Variants in TAF1B observed in about 807,000 individuals in gnomAD.
TAF1B encodes TATA-box binding protein associated factor, RNA polymerase I subunit B.
TAF1B carries 61 observed loss-of-function variants against 83.9 expected under a neutral mutation model. The observed-to-expected ratio is 0.73, with a 90% CI of 0.59 to 0.90. The LOEUF (loss-of-function observed/expected upper bound fraction) is 0.90. TAF1B is among the 40% of genes least tolerant of loss of function. The pLI, the probability that TAF1B is intolerant of heterozygous loss-of-function variation, is 0.00. For missense variants in TAF1B, 625 were observed against 677.0 expected (o/e 0.92, Z 0.85); for synonymous variants, 221 against 224.6 (o/e 0.98, Z 0.14).
At chr2:9,889,311 GT>G (rs1664791867) in intron 8 of TAF1B, among the ~76,000 whole-genome samples, 1 of 151,482 alleles carries the variant, frequency 6.6e-6, no homozygotes, top group African/African-American at 2.4e-5. Flanking sequence ...ACTATGTTTT[GT>G]TTTGATAATT....
At chr2:9,903,589 A>G (rs959106264) in intron 8 of TAF1B, among the ~76,000 whole-genome samples, 1 of 152,206 alleles carries the variant, frequency 6.6e-6, no homozygotes, top group African/African-American at 2.4e-5. Context: ...ATATTTTTAT[A>G]TGTGCGAGTT....
In TAF1B at chr2:9,904,914, T is replaced by C. The variant is rs1665296491; in HGVS notation, c.863T>C (p.Leu288Ser). 1 of 1,611,396 alleles carries C rather than the reference T, an allele frequency of 6.2e-7. No individual in the cohort carries two copies. The highest frequency in any genetic ancestry group is 8.5e-7 in the Non-Finnish European group (1 of 1,177,544). The stretch of plus-strand genomic sequence containing the variant: ...AAAACAGTAGAAGTTGGAACATTTT[T>C]AGATTTGCCTCGTTTTCCAGACATA... ...YKKTVEVGTF[L>S]DLPRFPDITE... The change falls in exon 9 of 15, where the codon TTA becomes TCA. Residue 288 changes from leucine (L) to serine (S), a missense_variant. By Grantham distance (145) the Leu-to-Ser change is moderately radical (BLOSUM62 -2). Transcript: ENST00000263663.
chr2:9,866,885 A>G (rs1326386743), intron 5 of TAF1B, among the ~76,000 whole-genome samples: 7 of 152,014 alleles, frequency 4.6e-5, no homozygotes, highest in South Asian at 2.1e-4. Flanking sequence ...GAATTGAACA[A>G]TGAGAACACA....
At chr2:9,850,191 G>T (rs1038237232) in intron 3 of TAF1B, among the ~76,000 whole-genome samples, 3 of 152,064 alleles carry the variant, frequency 2.0e-5, no homozygotes, top group South Asian at 4.2e-4. Flanking sequence ...AAATTTTATT[G>T]GAGTAAAACC....
chr2:9,867,872 C>T (rs916314846), intron 5 of TAF1B, among the ~76,000 whole-genome samples: 6 of 152,038 alleles, frequency 3.9e-5, no homozygotes, highest in Admixed American at 1.3e-4. Flanking sequence ...GAGGAAAAGG[C>T]GTAGTTCAGG....
intron 8 of TAF1B, among the ~76,000 whole-genome samples, chr2:9,894,553 T>A (rs185465707): frequency 6.6e-6 from 1 of 152,324 alleles, no homozygotes; most frequent in East Asian, 1.9e-4. Flanking sequence ...AGTGAATTAC[T>A]CAGGCTAGAA....
At chr2:9,848,170 T>C (rs16867193) in intron 2 of TAF1B, among the ~76,000 whole-genome samples, 16,114 of 152,246 alleles carry the variant, frequency 0.11, 1,297 homozygotes, top group East Asian at 0.27. Context: ...ATGTTTTCAG[T>C]GTGGCCAACC....
At chr2:9,920,936 C>T (rs766863012) in intron 14 of TAF1B, among the ~76,000 whole-genome samples, 1 of 152,176 alleles carries the variant, frequency 6.6e-6, no homozygotes, top group African/African-American at 2.4e-5. Context: ...TAGTAAGACA[C>T]AGGCTTTTGA....
In TAF1B at chr2:9,868,368, G is replaced by A. The variant is rs369972614; in HGVS notation, c.492G>A (p.Ala164=). 1.3e-5 allele frequency: 21 copies of A among 1,614,002 alleles called. No individual in the cohort carries two copies. The highest frequency in any genetic ancestry group is 2.2e-5 in the East Asian group (1 of 44,886). ...GTCCTCCTTTTCTTGAAAGTGGAGCGGAGTCTCAGTCTGACATCCACACTC... is the reference window on the plus strand; with the variant it reads ...GTCCTCCTTTTCTTGAAAGTGGAGCAGAGTCTCAGTCTGACATCCACACTC... The part of the protein sequence containing the change: ...VSCPPFLESG[A]ESQSDIHTRK... Residue 164 remains alanine (A), a synonymous_variant, in exon 6 of 15, where the codon GCG becomes GCA. Coordinates refer to ENST00000263663, the MANE Select transcript of TAF1B (RefSeq NM_005680.3).
intron 5 of TAF1B, among the ~76,000 whole-genome samples, chr2:9,863,163 A>G (rs1312006823): frequency 6.6e-6 from 1 of 152,242 alleles, no homozygotes; most frequent in Non-Finnish European, 1.5e-5. Context: ...AATTGGATAA[A>G]GAGTCAAGAC....
intron 5 of TAF1B, among the ~76,000 whole-genome samples, chr2:9,856,581 T>G (rs1663573724): frequency 6.6e-6 from 1 of 152,222 alleles, no homozygotes; most frequent in Non-Finnish European, 1.5e-5. Flanking sequence ...CTTTAAAATT[T>G]CATATCTAAG....
chr2:9,869,492 G>T (rs1024576785), intron 6 of TAF1B, among the ~76,000 whole-genome samples: 1 of 151,404 alleles, frequency 6.6e-6, no homozygotes, highest in Non-Finnish European at 1.5e-5. Flanking sequence ...CAAAGTGCTG[G>T]GATTACAGGT....
intron 14 of TAF1B, among the ~76,000 whole-genome samples, chr2:9,920,600 G>GC (rs1558268501): frequency 6.6e-6 from 1 of 151,172 alleles, no homozygotes; most frequent in African/African-American, 2.4e-5. Flanking sequence ...GGGTCCATTT[G>GC]CCCCTCAGGT....
At chr2:9,850,008 TTAAAAAATA>T (rs1179017103) in intron 3 of TAF1B, among the ~76,000 whole-genome samples, 1 of 127,044 alleles carries the variant, frequency 7.9e-6, no homozygotes, top group Non-Finnish European at 1.7e-5. Context: ...TACACACACA[TTAAAAAATA>T]TATATATATA....
intron 9 of TAF1B, among the ~76,000 whole-genome samples, chr2:9,909,078 T>C (rs912616874): frequency 6.6e-6 from 1 of 152,276 alleles, no homozygotes; most frequent in African/African-American, 2.4e-5. Context: ...TCTGTTTCTA[T>C]GTTAACAAAG....
intron 8 of TAF1B, among the ~76,000 whole-genome samples, chr2:9,901,097 A>G (rs527811874): frequency 1.1e-4 from 17 of 152,274 alleles, no homozygotes; most frequent in African/African-American, 4.1e-4. Flanking sequence ...ACATATATTC[A>G]TCATAGCATT....
chr2:9,905,207 T>C (rs1242139870), intron 9 of TAF1B, among the ~76,000 whole-genome samples: 1 of 152,226 alleles, frequency 6.6e-6, no homozygotes, highest in Non-Finnish European at 1.5e-5. Flanking sequence ...AATAGAGTTT[T>C]CAGAAATAAG....
chr2:9,916,837 C>CGTTTTTTTTTTTTT (rs1665693821), intron 12 of TAF1B, among the ~76,000 whole-genome samples: 1 of 95,720 alleles, frequency 1.0e-5, no homozygotes, highest in Non-Finnish European at 2.3e-5. Flanking sequence ...CCTTTCTGTT[C>CGTTTTTTTTTTTTT]TTTTTTTTTT....
intron 8 of TAF1B, among the ~76,000 whole-genome samples, chr2:9,898,467 A>T: frequency 6.6e-6 from 1 of 152,240 alleles, no homozygotes; most frequent in East Asian, 1.9e-4. Flanking sequence ...AAATGCTGTT[A>T]TACCTTATTA....
Sources: allele counts gnomAD v4.1 joint callset (sites outside exome capture counted in the v4.1 genomes callset), GRCh38; gene constraint gnomAD v4.1.1; transcripts MANE v1.5; gene names NCBI Gene and HGNC (gene_info 2026-07-23, HGNC 2026-07-21).